THSD7B: variants seen among roughly 807,000 people sequenced by gnomAD.
THSD7B encodes thrombospondin type-1 domain-containing protein 7B.
A neutral mutation model predicts 213.6 loss-of-function variants in THSD7B; 138 were observed. That is an observed-to-expected ratio of 0.65 (90% CI 0.56 to 0.74). The LOEUF (loss-of-function observed/expected upper bound fraction) is 0.74, where lower values mean the gene tolerates loss of function less well. THSD7B is among the 30% of genes least tolerant of loss of function. The pLI is 0.00. For missense variants in THSD7B, 1,931 were observed against 1,991.5 expected (o/e 0.97, Z 0.58); for synonymous variants, 742 against 687.0 (o/e 1.08, Z -1.25).
At chr2:137,197,921 A>G (rs567989710) in intron 7 of THSD7B, among the ~76,000 whole-genome samples, 1 of 152,270 alleles carries the variant, frequency 6.6e-6, no homozygotes, top group African/African-American at 2.4e-5. Flanking sequence ...AATGACCTGG[A>G]CAATTTCCTA....
At chr2:137,132,819 T>C (rs899354216) in intron 5 of THSD7B, among the ~76,000 whole-genome samples, 13 of 152,320 alleles carry the variant, frequency 8.5e-5, no homozygotes, top group Admixed American at 1.3e-4. Flanking sequence ...ACTTTTCCCT[T>C]GTATTCAACT....
intron 12 of THSD7B, among the ~76,000 whole-genome samples, chr2:137,338,145 A>G (rs1684679791): frequency 6.6e-6 from 1 of 152,112 alleles, no homozygotes; most frequent in African/African-American, 2.4e-5. Flanking sequence ...AAGCCTGGCT[A>G]AGAATGGTTG....
intron 12 of THSD7B, among the ~76,000 whole-genome samples, chr2:137,283,610 CGT>C (rs1683091009): frequency 6.6e-6 from 1 of 151,384 alleles, no homozygotes; most frequent in African/African-American, 2.4e-5. Flanking sequence ...TAGCATGAAG[CGT>C]TGTTGAATTT....
chr2:137,218,795 T>C (rs1311755086), intron 7 of THSD7B, among the ~76,000 whole-genome samples: 1 of 152,122 alleles, frequency 6.6e-6, no homozygotes, highest in Non-Finnish European at 1.5e-5. Context: ...ATCTTTCCAA[T>C]ATTCATGTGA....
At chr2:137,620,878 TATCA>T (rs1236653427) in intron 20 of THSD7B, among the ~76,000 whole-genome samples, 152 bp downstream of exon 20, 1 of 152,186 alleles carries the variant, frequency 6.6e-6, no homozygotes, top group Non-Finnish European at 1.5e-5. Context: ...CCTGGCCTCA[TATCA>T]GTCCAGGAGA....
intron 7 of THSD7B, among the ~76,000 whole-genome samples, chr2:137,221,347 C>A (rs1234577497): frequency 1.3e-5 from 2 of 152,104 alleles, no homozygotes; most frequent in Non-Finnish European, 2.9e-5. Context: ...GGATTGACTA[C>A]AGGGGGACCC....
chr2:136,818,547 TAAAA>T (rs765564436), intron 1 of THSD7B, among the ~76,000 whole-genome samples: 1 of 151,946 alleles, frequency 6.6e-6, no homozygotes, highest in Non-Finnish European at 1.5e-5. Context: ...TAAAGTATAA[TAAAA>T]AATAAATAAA....
intron 5 of THSD7B, among the ~76,000 whole-genome samples, chr2:137,150,997 A>G (rs1055242768): frequency 6.6e-6 from 1 of 152,172 alleles, no homozygotes; most frequent in Admixed American, 6.5e-5. Flanking sequence ...GGCTCGTAGG[A>G]GTCAAAGTTG....
chr2:137,412,253 T>A (rs371180730), intron 14 of THSD7B, among the ~76,000 whole-genome samples: 1 of 143,862 alleles, frequency 7.0e-6, no homozygotes, highest in African/African-American at 2.5e-5. Flanking sequence ...CTTGAGTGTC[T>A]TCTAATGTAG....
At chr2:136,921,462 GT>G (rs5834525) in intron 2 of THSD7B, among the ~76,000 whole-genome samples, 143,935 of 147,840 alleles carry the variant, frequency 0.97, 70,178 homozygotes, top group Non-Finnish European at 1. Context: ...TCATATGCGG[GT>G]TTTTTTTTTT....
intron 10 of THSD7B, among the ~76,000 whole-genome samples, chr2:137,244,492 A>T (rs1437355849): frequency 6.6e-6 from 1 of 152,186 alleles, no homozygotes. Flanking sequence ...ATTCAAGAAA[A>T]TTCTCTCTGC....
chr2:137,345,755 C>T (rs1040975407), intron 12 of THSD7B, among the ~76,000 whole-genome samples: 2 of 151,344 alleles, frequency 1.3e-5, no homozygotes, highest in African/African-American at 4.8e-5. Context: ...ATTCCATGAA[C>T]TAGATAGTAT....
At chr2:136,841,049 C>G (rs1056104930) in intron 1 of THSD7B, among the ~76,000 whole-genome samples, 13 of 152,016 alleles carry the variant, frequency 8.6e-5, no homozygotes, top group African/African-American at 3.1e-4. Context: ...GTGCTGAGTC[C>G]TTTGTATTCA....
At chr2:136,960,753 A>G (rs760107617) in intron 2 of THSD7B, among the ~76,000 whole-genome samples, 33 of 152,126 alleles carry the variant, frequency 2.2e-4, no homozygotes, top group Non-Finnish European at 3.5e-4. Flanking sequence ...AGAACAGAGG[A>G]TGATGTGGAC....
At chr2:137,527,894 G>T (rs1553457544) in intron 15 of THSD7B, among the ~76,000 whole-genome samples, 1 of 152,042 alleles carries the variant, frequency 6.6e-6, no homozygotes, top group Admixed American at 6.6e-5. Flanking sequence ...GCAACCAAGA[G>T]ATAAGAAAGG....
intron 6 of THSD7B, among the ~76,000 whole-genome samples, chr2:137,163,875 G>A (rs767765583): frequency 4.6e-5 from 7 of 152,218 alleles, no homozygotes; most frequent in Non-Finnish European, 7.3e-5. Flanking sequence ...TGATGGCCAT[G>A]TTGGCAGTAA....
At chr2:136,816,184 A>G (rs1193266422) in intron 1 of THSD7B, among the ~76,000 whole-genome samples, 1 of 152,214 alleles carries the variant, frequency 6.6e-6, no homozygotes, top group African/African-American at 2.4e-5. Flanking sequence ...CATTTAGCAG[A>G]CATCAGAATT....
Position 136,913,008 on chromosome 2 carries a change from T to C in THSD7B, c.139+30691T>C, listed in dbSNP as rs1450301065. 5.3e-5 allele frequency among the ~76,000 whole-genome samples: 8 copies of C among 152,218 alleles called. No homozygotes were observed. The East Asian group carries it at 1.4e-3, about 26-fold the overall frequency. On this transcript the variant is annotated intron_variant, in intron 2 of 27. Transcript: ENST00000409968. ...GGAAGAGTTTGAAGGGCTCAGAAGA[T>C]AGGAAAATGTAGGAAAGTTTGGAGC... is the stretch of plus-strand genomic sequence containing the variant.
chr2:137,583,922 C>T (rs1405115622), intron 17 of THSD7B, among the ~76,000 whole-genome samples: 2 of 152,090 alleles, frequency 1.3e-5, no homozygotes, highest in Admixed American at 6.6e-5. Context: ...TATAAATTAC[C>T]TTTGGCAGTA....
Sources: allele counts gnomAD v4.1 joint callset (sites outside exome capture counted in the v4.1 genomes callset), GRCh38; gene constraint gnomAD v4.1.1; transcripts MANE v1.5; gene names NCBI Gene and HGNC (gene_info 2026-07-23, HGNC 2026-07-21).